Variants in SNRNP27 observed in about 807,000 individuals in gnomAD.
The protein encoded by SNRNP27 is U4/U6.U5 small nuclear ribonucleoprotein 27 kDa protein.
A neutral mutation model predicts 25.1 loss-of-function variants in SNRNP27; 22 were observed. That is an observed-to-expected ratio of 0.88 (90% CI 0.63 to 1.25). SNRNP27 has a LOEUF of 1.25. SNRNP27 is among the 50% of genes most tolerant of loss of function. The pLI is 0.00. For missense variants in SNRNP27, 150 were observed against 202.3 expected, an observed-to-expected ratio of 0.74 and a Z score of 1.57; for synonymous variants, 66 against 64.9, an observed-to-expected ratio of 1.02 and a Z score of -0.08.
intron 4 of SNRNP27, 58 bp downstream of exon 4, chr2:69,897,514 T>C: frequency 7.9e-7 from 1 of 1,264,656 alleles, no homozygotes; most frequent in Middle Eastern, 1.9e-4. Context: ...GTCCTATCTT[T>C]CCATGTTCTT....
chr2:69,895,173 G>T lies in SNRNP27; in HGVS notation c.114G>T (p.Arg38=). Residue 38 remains arginine, a synonymous_variant, in exon 2 of 6, where the codon CGG becomes CGT. Coordinates refer to ENST00000244227, the MANE Select transcript of SNRNP27 (RefSeq NM_006857.3). ...RERSRSRERD[R]RRSRSRSPHR... The stretch of plus-strand genomic sequence containing the variant: ...GGTCCAGGTCTCGGGAGAGAGATCG[G>T]AGAAGGAGCCGCTCGCGATCCCCGC... 1 of 1,614,126 alleles carries T rather than the reference G, an allele frequency of 6.2e-7. No homozygotes were observed. Among genetic ancestry groups the T allele is most frequent in the South Asian group, 1.1e-5 (1 of 91,080 alleles).
At position 69,895,173 on chromosome 2, in the gene SNRNP27, G is replaced by A. The variant is rs11540988; in HGVS notation, c.114G>A (p.Arg38=). 6,472 of 1,614,126 alleles carry A rather than the reference G, an allele frequency of 4.0e-3. 49 individuals are homozygous for A. Among genetic ancestry groups the A allele is most frequent in the South Asian group, 0.016 (1,489 of 91,080 alleles). The change falls in exon 2 of 6, where the codon CGG becomes CGA. Residue 38 remains arginine (R), a synonymous_variant. Coordinates refer to ENST00000244227, the MANE Select transcript of SNRNP27 (RefSeq NM_006857.3). The part of the protein sequence containing the change: ...RERSRSRERD[R]RRSRSRSPHR... ...GGTCCAGGTCTCGGGAGAGAGATCG[G>A]AGAAGGAGCCGCTCGCGATCCCCGC...
At chr2:69,901,498 A>T (rs538220211) in intron 4 of SNRNP27, among the ~76,000 whole-genome samples, 2 of 152,336 alleles carry the variant, frequency 1.3e-5, no homozygotes, top group Admixed American at 1.3e-4. Flanking sequence ...TGTGTCTGTT[A>T]TTCTGTTCTG....
intron 4 of SNRNP27, among the ~76,000 whole-genome samples, chr2:69,900,468 T>G (rs1676674909): frequency 6.6e-6 from 1 of 152,210 alleles, no homozygotes; most frequent in Admixed American, 6.5e-5. Context: ...AGTAATTTGT[T>G]CAGGACTTAC....
chr2:69,899,850 T>C (rs1387781196), intron 4 of SNRNP27, among the ~76,000 whole-genome samples: 1 of 152,212 alleles, frequency 6.6e-6, no homozygotes, highest in Non-Finnish European at 1.5e-5. Context: ...TGCCTTAGCC[T>C]CTGGAGTAGC....
intron 5 of SNRNP27, 157 bp downstream of exon 5, chr2:69,903,402 A>G: frequency 6.3e-6 from 4 of 629,982 alleles, no homozygotes; most frequent in Non-Finnish European, 1.1e-5. Context: ...GTGTGTTAAA[A>G]TTGTTTTCCC....
At chr2:69,894,131 A>G in intron 1 of SNRNP27, 113 bp downstream of exon 1, 1 of 983,754 alleles carries the variant, frequency 1.0e-6, no homozygotes, top group Non-Finnish European at 1.5e-6. Context: ...CCCTTTTCCC[A>G]GGCGGAGAGC....
intron 4 of SNRNP27, among the ~76,000 whole-genome samples, chr2:69,902,828 GCTGCCGCTTCTT>G (rs1364803265): frequency 4.0e-5 from 6 of 150,910 alleles, no homozygotes; most frequent in African/African-American, 1.5e-4. Flanking sequence ...CGCTGCTGCC[GCTGCCGCTTCTT>G]CTGCTGCTTC....
intron 2 of SNRNP27, 106 bp downstream of exon 2, chr2:69,895,320 C>T (rs2104112150): frequency 7.2e-7 from 1 of 1,389,822 alleles, no homozygotes; most frequent in South Asian, 1.4e-5. Flanking sequence ...TTTACGGTTT[C>T]CTGAAATGGA....
At position 69,895,140 on chromosome 2, in the gene SNRNP27, C is replaced by T. The variant is rs1037063859; in HGVS notation, c.81C>T (p.Arg27=). ...RSTSRERERR[R]RERSRSRERD... ...CATCCCGGGAGAGAGAACGCAGGCGCCGAGAAAGGTCCAGGTCTCGGGAGA... is the reference window on the plus strand; with the variant it reads ...CATCCCGGGAGAGAGAACGCAGGCGTCGAGAAAGGTCCAGGTCTCGGGAGA... The change falls in exon 2 of 6, where the codon CGC becomes CGT. Residue 27 remains arginine (R), a synonymous_variant. Transcript: ENST00000244227. 3.1e-6 allele frequency: 5 copies of T among 1,613,864 alleles called. No individual in the cohort carries two copies. The highest frequency in any genetic ancestry group is 1.7e-5 in the Admixed American group (1 of 60,014).
chr2:69,901,321 A>C (rs1676693877), intron 4 of SNRNP27, among the ~76,000 whole-genome samples: 1 of 152,228 alleles, frequency 6.6e-6, no homozygotes, highest in South Asian at 2.1e-4. Flanking sequence ...AGATAGTTCA[A>C]GTTGGAGGCA....
At chr2:69,901,497 T>C (rs1558562305) in intron 4 of SNRNP27, among the ~76,000 whole-genome samples, 1 of 152,186 alleles carries the variant, frequency 6.6e-6, no homozygotes, top group African/African-American at 2.4e-5. Flanking sequence ...TTGTGTCTGT[T>C]ATTCTGTTCT....
At chr2:69,901,700 A>G (rs1676703164) in intron 4 of SNRNP27, among the ~76,000 whole-genome samples, 1 of 152,170 alleles carries the variant, frequency 6.6e-6, no homozygotes, top group African/African-American at 2.4e-5. Flanking sequence ...ATGTGCCTGT[A>G]GTCCCAGCTA....
At position 69,903,368 on chromosome 2, in the gene SNRNP27, GA is replaced by G. The variant is rs1235555360; in HGVS notation, c.413+126del. On this transcript the variant is annotated intron_variant, in intron 5 of 5. Transcript: ENST00000244227. ...TTTCCATACTGTTCCTTGTTTGAATGAAATATTCATTGCTTATATTCTGGTG... is the reference window on the plus strand; with the variant it reads ...TTTCCATACTGTTCCTTGTTTGAATGAATATTCATTGCTTATATTCTGGTG... 19 of 746,818 alleles carry G rather than the reference GA, an allele frequency of 2.5e-5. No homozygotes were observed. The Admixed American group carries it at 4.0e-4, about 16-fold the overall frequency. The allele number at this position is 746,818 out of a possible 1,614,324, so 46.3% of individuals were successfully genotyped here. A position where few individuals can be genotyped will look rare whatever the true frequency, so the allele number is the denominator to read the frequency against.
intron 4 of SNRNP27, among the ~76,000 whole-genome samples, chr2:69,902,108 CG>C (rs67692962): frequency 0.045 from 6,826 of 152,196 alleles, 503 homozygotes; most frequent in African/African-American, 0.16. Context: ...TGCTTATACA[CG>C]ATTGTAAAAA....
chr2:69,895,133 G>A lies in SNRNP27; in HGVS notation c.74G>A (p.Arg25His). The A allele has an allele frequency of 6.2e-7, 1 of 1,613,832 alleles. No homozygotes were observed. The highest frequency in any genetic ancestry group is 8.5e-7 in the Non-Finnish European group (1 of 1,179,972). ...RSRSTSRERE[R>H]RRRERSRSRE... ...CGGTCCACATCCCGGGAGAGAGAAC[G>A]CAGGCGCCGAGAAAGGTCCAGGTCT... is the stretch of plus-strand genomic sequence containing the variant. Residue 25 changes from arginine to histidine, a missense_variant, in exon 2 of 6, where the codon CGC becomes CAC. By Grantham distance (29) the Arg-to-His change is conservative. Coordinates refer to ENST00000244227, the MANE Select transcript of SNRNP27 (RefSeq NM_006857.3).
Position 69,904,241 on chromosome 2 carries a change from C to A in SNRNP27, c.414-13C>A. On this transcript the variant is annotated splice_polypyrimidine_tract_variant and intron_variant, in intron 5 of 5. Coordinates refer to ENST00000244227, the MANE Select transcript of SNRNP27 (RefSeq NM_006857.3). Reference sequence around the variant, plus strand: ...ATTAAAAAAAAACAATGAATTTTCTCTTCTCATCATAGGCAGTACATGAAT... The same window carrying A: ...ATTAAAAAAAAACAATGAATTTTCTATTCTCATCATAGGCAGTACATGAAT... 6.4e-7 allele frequency: 1 copy of A among 1,555,844 alleles called. No individual in the cohort carries two copies. The highest frequency in any genetic ancestry group is 8.7e-7 in the Non-Finnish European group (1 of 1,154,012).
At chr2:69,901,731 A>T (rs896663547) in intron 4 of SNRNP27, among the ~76,000 whole-genome samples, 2 of 152,098 alleles carry the variant, frequency 1.3e-5, no homozygotes, top group African/African-American at 4.8e-5. Context: ...TGAGGCAGGA[A>T]GATCACTTGA....
rs1213061027 is a variant in SNRNP27, at chr2:69,895,269, G to T, written c.155+55G>T. ...ATTTACCGAAAGTCCCTAAGAAACT[G>T]GTCGCAGCTCTTAACTTTGTTTTCA... On this transcript the variant is annotated intron_variant, in intron 2 of 5. Transcript: ENST00000244227. The T allele has an allele frequency of 3.1e-6, 5 of 1,593,290 alleles. No individual in the cohort carries two copies. The Admixed American group carries it at 9.1e-5, about 29-fold the overall frequency.
Sources: gnomAD v4.1 joint callset for allele counts (sites outside exome capture counted in the v4.1 genomes callset) on GRCh38, gnomAD v4.1.1 for gene constraint, MANE v1.5 for transcripts, NCBI Gene and HGNC (gene_info 2026-07-23, HGNC 2026-07-21) for gene names.